FARS2: variants seen among roughly 807,000 people sequenced by gnomAD.
The protein encoded by FARS2 is phenylalanyl-tRNA synthetase 2, mitochondrial, also known as phenylalanine--tRNA ligase, mitochondrial.
FARS2 carries 40 observed loss-of-function variants against 46.4 expected under a neutral mutation model. The ratio of observed to expected loss-of-function variants is 0.86; its 90% CI spans 0.67 to 1.12. The LOEUF (loss-of-function observed/expected upper bound fraction) is 1.12, where lower values mean the gene tolerates loss of function less well. FARS2 is among the 50% of genes most tolerant of loss of function. The probability of loss-of-function intolerance (pLI) is 0.00; values close to 1 mark genes in which losing one functional copy is unlikely to be tolerated. For missense variants in FARS2, 513 were observed against 567.9 expected (o/e 0.90, Z 0.98); for synonymous variants, 234 against 214.9 (o/e 1.09, Z -0.78).
intron 5 of FARS2, among the ~76,000 whole-genome samples, chr6:5,589,186 T>C (rs1773782964): frequency 6.6e-6 from 1 of 151,806 alleles, no homozygotes. Context: ...TAGAGCCAGC[T>C]CCCCCCGTCC....
intron 4 of FARS2, among the ~76,000 whole-genome samples, chr6:5,534,626 G>C (rs1770072368): frequency 6.6e-6 from 1 of 152,090 alleles, no homozygotes. Flanking sequence ...ATTCCATTGT[G>C]TGTAAGTAAC....
In FARS2 at chr6:5,373,729, T is replaced by C. The variant is rs138235990; in HGVS notation, c.612+4547T>C. ...TCTATGCAGTAGCAGTAGGCCCATG[T>C]ATCAGTTTGTGATCCTTGGGAAATC... On this transcript the variant is annotated intron_variant, in intron 2 of 6. Transcript: ENST00000274680. 6.3e-3 allele frequency among the ~76,000 whole-genome samples: 953 copies of C among 152,254 alleles called. 6 individuals carry two copies. Among genetic ancestry groups the C allele is most frequent in the Middle Eastern group, 0.014 (4 of 294 alleles).
chr6:5,753,140 A>T (rs926052446), intron 6 of FARS2, among the ~76,000 whole-genome samples: 1 of 151,818 alleles, frequency 6.6e-6, no homozygotes, highest in African/African-American at 2.4e-5. Flanking sequence ...TTTGAGGGCA[A>T]TGAGGTGGAG....
At chr6:5,455,837 A>G (rs764883225) in intron 4 of FARS2, among the ~76,000 whole-genome samples, 9 of 152,214 alleles carry the variant, frequency 5.9e-5, no homozygotes, top group East Asian at 1.9e-4. Flanking sequence ...TTTCTCATCT[A>G]TAAAAGGAAG....
At chr6:5,759,673 ACGGGTAGAGGAGTTTGAAGGGCTAT>A (rs1367228160) in intron 6 of FARS2, among the ~76,000 whole-genome samples, 2 of 152,096 alleles carry the variant, frequency 1.3e-5, no homozygotes, top group African/African-American at 2.4e-5. Context: ...GCTGCCAAAA[ACGGGTAGAGGAGTTTGAAGGGCTAT>A]CATGGAGGAG....
chr6:5,761,630 T>C (rs1331795407), intron 6 of FARS2, among the ~76,000 whole-genome samples: 1 of 152,020 alleles, frequency 6.6e-6, no homozygotes, highest in African/African-American at 2.4e-5. Context: ...GAGAGAAAAA[T>C]AAAATCTCTT....
At chr6:5,304,571 C>A (rs1269249468) in intron 1 of FARS2, among the ~76,000 whole-genome samples, 3 of 152,126 alleles carry the variant, frequency 2.0e-5, no homozygotes, top group Admixed American at 6.5e-5. Flanking sequence ...CAAAGGCATT[C>A]GTTTCCCAGA....
chr6:5,504,354 T>G (rs7742495), intron 4 of FARS2, among the ~76,000 whole-genome samples: 5,185 of 151,870 alleles, frequency 0.034, 133 homozygotes, highest in African/African-American at 0.069. Flanking sequence ...TGCTAAAGTT[T>G]TCATTAAAGA....
intron 5 of FARS2, among the ~76,000 whole-genome samples, chr6:5,605,546 C>T (rs945042859): frequency 8.5e-5 from 13 of 152,150 alleles, no homozygotes; most frequent in African/African-American, 2.7e-4. Context: ...GTGAGGGGTT[C>T]GAGCAGAGGA....
At chr6:5,753,689 A>G (rs912009050) in intron 6 of FARS2, among the ~76,000 whole-genome samples, 7 of 152,216 alleles carry the variant, frequency 4.6e-5, no homozygotes, top group Non-Finnish European at 1.0e-4. Context: ...TCCTATGACC[A>G]GAGGTTGCTG....
chr6:5,425,410 C>G (rs930834296), intron 3 of FARS2, among the ~76,000 whole-genome samples: 1 of 152,110 alleles, frequency 6.6e-6, no homozygotes, highest in Non-Finnish European at 1.5e-5. Flanking sequence ...GAATGAGATC[C>G]TTAACGAAGG....
chr6:5,334,668 A>G (rs1413277578), intron 1 of FARS2, among the ~76,000 whole-genome samples: 2 of 152,230 alleles, frequency 1.3e-5, no homozygotes, highest in African/African-American at 4.8e-5. Flanking sequence ...GAAGATGGGC[A>G]TGTATACTTA....
At chr6:5,356,503 A>G (rs1581869097) in intron 1 of FARS2, among the ~76,000 whole-genome samples, 1 of 152,164 alleles carries the variant, frequency 6.6e-6, no homozygotes, top group South Asian at 2.1e-4. Flanking sequence ...AGACAGATAG[A>G]CCTGACCAAA....
At chr6:5,609,321 C>G (rs1775038803) in intron 5 of FARS2, 2 of 1,130,532 alleles carry the variant, frequency 1.8e-6, no homozygotes, top group East Asian at 4.6e-5. Flanking sequence ...GCCTCTACCA[C>G]CATAGGGACC....
At chr6:5,464,032 C>T (rs1283981515) in intron 4 of FARS2, among the ~76,000 whole-genome samples, 5 of 152,174 alleles carry the variant, frequency 3.3e-5, no homozygotes, top group African/African-American at 9.7e-5. Context: ...GAGTAAACCA[C>T]GATTCAACCT....
At chr6:5,476,935 A>G (rs1333099571) in intron 4 of FARS2, among the ~76,000 whole-genome samples, 1 of 152,238 alleles carries the variant, frequency 6.6e-6, no homozygotes, top group African/African-American at 2.4e-5. Context: ...ATTAAGTGCC[A>G]GTTAGGCATC....
At chr6:5,521,097 T>C (rs1241824568) in intron 4 of FARS2, among the ~76,000 whole-genome samples, 1 of 150,098 alleles carries the variant, frequency 6.7e-6, no homozygotes, top group Non-Finnish European at 1.5e-5. Context: ...AAATCCTTCG[T>C]TTCCCTTTTA....
At chr6:5,602,680 C>G (rs1031961798) in intron 5 of FARS2, among the ~76,000 whole-genome samples, 4 of 148,020 alleles carry the variant, frequency 2.7e-5, no homozygotes, top group Admixed American at 1.3e-4. Flanking sequence ...AGGGAACCTC[C>G]CAGGATTTTA....
intron 6 of FARS2, among the ~76,000 whole-genome samples, chr6:5,688,684 A>T (rs544305460): frequency 2.0e-5 from 3 of 152,302 alleles, no homozygotes; most frequent in African/African-American, 4.8e-5. Flanking sequence ...TGTCTCTGCC[A>T]GGCTTTGGTA....
Sources: allele counts gnomAD v4.1 joint callset (sites outside exome capture counted in the v4.1 genomes callset), GRCh38; gene constraint gnomAD v4.1.1; transcripts MANE v1.5; gene names NCBI Gene and HGNC (gene_info 2026-07-23, HGNC 2026-07-21).